Variants in LEO1 observed in about 807,000 individuals in gnomAD.
LEO1 encodes the protein LEO1 component of Paf1/RNA polymerase II complex, also known as RNA polymerase-associated protein LEO1.
LEO1 carries 34 observed loss-of-function variants against 80.4 expected under a neutral mutation model. That is an observed-to-expected ratio of 0.42 (90% CI 0.32 to 0.56). The LOEUF (loss-of-function observed/expected upper bound fraction) is 0.56. LEO1 is among the 20% of genes least tolerant of loss of function. The pLI is 0.10. For synonymous variants in LEO1, 262 were observed against 274.9 expected, an observed-to-expected ratio of 0.95 and a Z score of 0.46; for missense variants, 631 against 814.2, an observed-to-expected ratio of 0.77 and a Z score of 2.74.
intron 6 of LEO1, among the ~76,000 whole-genome samples, chr15:51,955,372 A>G (rs141651893): frequency 7.9e-5 from 12 of 152,368 alleles, no homozygotes; most frequent in African/African-American, 2.4e-4. Flanking sequence ...ATAAGGATAA[A>G]TAAGTGCCCT....
chr15:51,940,852 C>T (rs1033567030), intron 11 of LEO1, among the ~76,000 whole-genome samples: 2 of 151,822 alleles, frequency 1.3e-5, no homozygotes, highest in Non-Finnish European at 2.9e-5. Flanking sequence ...AATCCTAGCA[C>T]TTTGGGAGGC....
chr15:51,947,514 T>G, intron 10 of LEO1, 125 bp from the exon 11 acceptor site: 1 of 645,316 alleles, frequency 1.5e-6, no homozygotes, highest in Non-Finnish European at 2.7e-6. Flanking sequence ...CTCCTGGGCT[T>G]AGGTGATCCT....
At chr15:51,960,813 C>T in intron 3 of LEO1, 80 bp from the exon 4 acceptor site, 1 of 822,932 alleles carries the variant, frequency 1.2e-6, no homozygotes, top group Admixed American at 2.0e-5. Flanking sequence ...CAACACATTC[C>T]CAAGGTTTCT....
intron 7 of LEO1, 35 bp downstream of exon 7, chr15:51,954,446 G>C: frequency 7.7e-7 from 1 of 1,290,536 alleles, no homozygotes; most frequent in Non-Finnish European, 1.1e-6. Flanking sequence ...ACCCGTTCTG[G>C]GTATGTCAAT....
intron 9 of LEO1, among the ~76,000 whole-genome samples, chr15:51,951,028 T>A (rs2056944626): frequency 6.6e-6 from 1 of 152,218 alleles, no homozygotes; most frequent in African/African-American, 2.4e-5. Context: ...TCTGTCTCCA[T>A]GAACAAATAC....
At chr15:51,944,496 C>G (rs1368120226) in intron 11 of LEO1, among the ~76,000 whole-genome samples, 1 of 151,800 alleles carries the variant, frequency 6.6e-6, no homozygotes, top group African/African-American at 2.4e-5. Context: ...TACAAAGGTA[C>G]CAGTTAGGGT....
At chr15:51,943,677 G>T (rs2056875119) in intron 11 of LEO1, among the ~76,000 whole-genome samples, 1 of 147,884 alleles carries the variant, frequency 6.8e-6, no homozygotes, top group Non-Finnish European at 1.5e-5. Flanking sequence ...CCCTGCCTGG[G>T]CAACAGAGTG....
chr15:51,963,193 T>C (rs116795822), intron 2 of LEO1, among the ~76,000 whole-genome samples: 1,704 of 152,096 alleles, frequency 0.011, 34 homozygotes, highest in African/African-American at 0.04. Context: ...AGAGAATCAT[T>C]TGAACCTGGG....
intron 5 of LEO1, 54 bp downstream of exon 5, chr15:51,959,845 C>A: frequency 1.4e-6 from 2 of 1,422,218 alleles, no homozygotes; most frequent in Admixed American, 2.5e-5. Context: ...GAAAAATAAA[C>A]ATTCTATGTA....
At chr15:51,957,888 G>GT (rs1566885055) in intron 6 of LEO1, among the ~76,000 whole-genome samples, 1 of 152,082 alleles carries the variant, frequency 6.6e-6, no homozygotes, top group African/African-American at 2.4e-5. Flanking sequence ...GGGCATGGTG[G>GT]TGCATGCCTG....
At chr15:51,958,682 G>A (rs1169894422) in intron 6 of LEO1, 60 bp downstream of exon 6, 15 of 1,004,968 alleles carry the variant, frequency 1.5e-5, no homozygotes, top group Non-Finnish European at 2.2e-5. Context: ...CAAGTTTCAA[G>A]TTAGTATCTC....
chr15:51,950,485 C>T (rs2056940681), intron 9 of LEO1, among the ~76,000 whole-genome samples: 1 of 152,196 alleles, frequency 6.6e-6, no homozygotes, highest in South Asian at 2.1e-4. Context: ...CTCCTCACGG[C>T]TCCTGATGAC....
Position 51,949,994 on chromosome 15 carries a change from T to TCTGTAAAGAAG in LEO1, c.1612-11_1612-1dup (p.Lys538LeufsTer10). ...GAAGCCCTCAAACGTTCTTCTTCTT[T>TCTGTAAAGAAG]CTGTAAAGAAGCAAATAACCTCTTT... is the stretch of plus-strand genomic sequence containing the variant. On this transcript the variant is annotated frameshift_variant and splice_region_variant. Transcript: ENST00000299601. LOFTEE classifies it high-confidence loss of function. The TCTGTAAAGAAG allele has an allele frequency of 6.2e-7, 1 of 1,608,998 alleles. No homozygotes were observed. The highest frequency in any genetic ancestry group is 8.5e-7 in the Non-Finnish European group (1 of 1,178,496).
intron 1 of LEO1, among the ~76,000 whole-genome samples, chr15:51,969,838 TAAAAAA>T (rs58342384): frequency 1.1e-5 from 1 of 89,976 alleles, no homozygotes; most frequent in African/African-American, 4.3e-5. Context: ...GAGACTCCGT[TAAAAAA>T]AAAAAAAAAA....
At chr15:51,959,605 C>T (rs943697401) in intron 5 of LEO1, among the ~76,000 whole-genome samples, 1 of 152,140 alleles carries the variant, frequency 6.6e-6, no homozygotes, top group Non-Finnish European at 1.5e-5. Context: ...CAAATTTCAT[C>T]GCTTTCAATT....
chr15:51,953,355 G>A, intron 7 of LEO1, 92 bp from the exon 8 acceptor site: 1 of 1,342,884 alleles, frequency 7.4e-7, no homozygotes, highest in Non-Finnish European at 1.0e-6. Flanking sequence ...GGGCACAGTG[G>A]CCCACATGTG....
chr15:51,950,541 T>A (rs1331094406), intron 9 of LEO1, among the ~76,000 whole-genome samples: 3 of 152,182 alleles, frequency 2.0e-5, no homozygotes, highest in Admixed American at 6.5e-5. Context: ...TTTCATTTCC[T>A]TTGCACTGCC....
chr15:51,964,319 A>G (rs1246593589), intron 2 of LEO1, among the ~76,000 whole-genome samples: 1 of 152,134 alleles, frequency 6.6e-6, no homozygotes, highest in Non-Finnish European at 1.5e-5. Context: ...CAAACACCGC[A>G]TGTTCTCACT....
chr15:51,961,076 A>G (rs1421007349), intron 3 of LEO1, among the ~76,000 whole-genome samples: 1 of 152,160 alleles, frequency 6.6e-6, no homozygotes, highest in Non-Finnish European at 1.5e-5. Context: ...ATTTTCCATA[A>G]GTCTATCCCA....
Sources: gnomAD v4.1 joint callset for allele counts (sites outside exome capture counted in the v4.1 genomes callset) on GRCh38, gnomAD v4.1.1 for gene constraint, MANE v1.5 for transcripts, NCBI Gene and HGNC (gene_info 2026-07-23, HGNC 2026-07-21) for gene names.